GLDN: variants seen among roughly 807,000 people sequenced by gnomAD.
GLDN encodes collomin.
GLDN carries 47 observed loss-of-function variants against 56.5 expected under a neutral mutation model. That is an observed-to-expected ratio of 0.83 (90% CI 0.66 to 1.06). The LOEUF (loss-of-function observed/expected upper bound fraction) is 1.06. Ranked by LOEUF, GLDN falls within the 50% of genes least tolerant of loss-of-function variation. The probability of loss-of-function intolerance (pLI) is 0.00; values close to 1 mark genes in which losing one functional copy is unlikely to be tolerated. For missense variants in GLDN, 782 were observed against 714.3 expected (o/e 1.09, Z -1.08); for synonymous variants, 332 against 278.8 (o/e 1.19, Z -1.90).
chr15:51,412,713 T>G (rs1239146408), downstream of GLDN, among the ~76,000 whole-genome samples: 2 of 152,202 alleles, frequency 1.3e-5, no homozygotes, highest in African/African-American at 2.4e-5. Flanking sequence ...CCTAACAACT[T>G]CTGCCTTTTA....
chr15:51,342,048 G>A lies in GLDN; in HGVS notation c.363+1G>A, dbSNP rs556661550. On this transcript the variant is annotated splice_donor_variant, in intron 1 of 9. Coordinates refer to ENST00000335449, the MANE Select transcript of GLDN (RefSeq NM_181789.4). LOFTEE classifies it high-confidence loss of function. ...GATGATGACCTACTCCATGGTGCCG[G>A]TAGGCGGGGTCTCTGTTCCCCGTGG... The A allele has an allele frequency of 6.3e-7, 1 of 1,592,194 alleles. No homozygotes were observed. Among genetic ancestry groups the A allele is most frequent in the East Asian group, 2.3e-5 (1 of 44,144 alleles).
chr15:51,384,162 C>T (rs575933032), intron 4 of GLDN: 53 of 444,540 alleles, frequency 1.2e-4, no homozygotes, highest in South Asian at 1.1e-3. Flanking sequence ...GTGGAAGGAG[C>T]AGGAGCCCAC....
intron 1 of GLDN, among the ~76,000 whole-genome samples, chr15:51,355,803 G>T (rs191203464): frequency 6.0e-5 from 9 of 150,620 alleles, no homozygotes; most frequent in East Asian, 2.0e-4. Context: ...GATTACAGGC[G>T]TGAGCCACCA....
intron 1 of GLDN, among the ~76,000 whole-genome samples, chr15:51,365,291 ATTTTT>A (rs1251063776): frequency 6.6e-6 from 1 of 151,886 alleles, no homozygotes; most frequent in African/African-American, 2.4e-5. Flanking sequence ...AATTTTCTTT[ATTTTT>A]AATTGGAGCT....
At position 51,406,837 on chromosome 15, in the gene GLDN, T is replaced by G. The variant is rs1426908903; in HGVS notation, c.*2083T>G. ...GCTTTTAAAAATACTCTTTTCAGAT[T>G]CACGTTCTCTAACAAAGAGTCTCAT... On this transcript the variant is annotated 3_prime_UTR_variant, in exon 10 of 10. Coordinates refer to ENST00000335449, the MANE Select transcript of GLDN (RefSeq NM_181789.4). 6.6e-6 allele frequency: 1 copy of G among 152,224 alleles called. No homozygotes were observed. The highest frequency in any genetic ancestry group is 1.5e-5 in the Non-Finnish European group (1 of 68,040). The allele number at this position is 152,224 out of a possible 1,614,324, so 9.4% of individuals were successfully genotyped here. A position where few individuals can be genotyped will look rare whatever the true frequency, so the allele number is the denominator to read the frequency against.
chr15:51,372,126 C>T (rs1289403039), intron 1 of GLDN, among the ~76,000 whole-genome samples: 1 of 152,188 alleles, frequency 6.6e-6, no homozygotes, highest in Non-Finnish European at 1.5e-5. Flanking sequence ...TTGAAGTGTG[C>T]TCACTCAGGA....
At chr15:51,358,153 C>T (rs2037222663) in intron 1 of GLDN, among the ~76,000 whole-genome samples, 3 of 152,124 alleles carry the variant, frequency 2.0e-5, no homozygotes, top group Admixed American at 1.3e-4. Flanking sequence ...GACTTATGGG[C>T]CGAAAACAAT....
At chr15:51,354,182 C>T (rs2141054532) in intron 1 of GLDN, among the ~76,000 whole-genome samples, 1 of 152,298 alleles carries the variant, frequency 6.6e-6, no homozygotes, top group East Asian at 1.9e-4. Context: ...CTGTGCTTGC[C>T]AAAGTGCTGG....
chr15:51,404,687 A>G lies in GLDN; in HGVS notation c.1589A>G (p.Tyr530Cys), dbSNP rs1420193709. 1 of 1,613,130 alleles carries G rather than the reference A, an allele frequency of 6.2e-7. No individual in the cohort carries two copies. The highest frequency in any genetic ancestry group is 1.3e-5 in the African/African-American group (1 of 75,026). ...LAYNMRDQHL[Y>C]SWEDGHLMLY... is the part of the protein sequence containing the mutation. ...TACAACATGAGAGATCAGCATTTAT[A>G]TTCATGGGAAGATGGCCATTTAATG... The change falls in exon 10 of 10, where the codon TAT becomes TGT. Residue 530 changes from tyrosine (Y) to cysteine (C), a missense_variant. By Grantham distance (194) the Tyr-to-Cys change is radical. Coordinates refer to ENST00000335449, the MANE Select transcript of GLDN (RefSeq NM_181789.4).
intron 4 of GLDN, among the ~76,000 whole-genome samples, chr15:51,388,770 T>G (rs2037953983): frequency 6.6e-6 from 1 of 152,226 alleles, no homozygotes; most frequent in South Asian, 2.1e-4. Context: ...TGGGCCCTGT[T>G]GTGAGAGCAG....
chr15:51,363,192 T>C (rs1051322616), intron 1 of GLDN, among the ~76,000 whole-genome samples: 6 of 152,078 alleles, frequency 3.9e-5, no homozygotes, highest in African/African-American at 1.4e-4. Flanking sequence ...GGAGGCATAG[T>C]CAGGAAATCA....
chr15:51,359,733 T>C (rs1203703532), intron 1 of GLDN, among the ~76,000 whole-genome samples: 2 of 151,984 alleles, frequency 1.3e-5, no homozygotes, highest in Non-Finnish European at 2.9e-5. Context: ...TCCCAGCACT[T>C]TGGGAGGCCG....
At chr15:51,352,431 A>G (rs1026473257) in intron 1 of GLDN, among the ~76,000 whole-genome samples, 9 of 152,016 alleles carry the variant, frequency 5.9e-5, no homozygotes, top group African/African-American at 2.2e-4. Context: ...AGACCATGGC[A>G]CTCAATATTG....
rs766366490 is a variant in GLDN, at chr15:51,404,421, T to G, written c.1323T>G (p.Ser441Arg). 11 of 1,614,078 alleles carry G rather than the reference T, an allele frequency of 6.8e-6. No homozygotes were observed. The highest frequency in any genetic ancestry group is 1.3e-5 in the African/African-American group (1 of 74,918). The change falls in exon 10 of 10, where the codon AGT becomes AGG. Residue 441 changes from serine to arginine, a missense_variant. Ser to Arg is a moderately radical substitution (Grantham distance 110). Transcript: ENST00000335449. ...EKGLWIIYASSVDGSSILVAQ... is the reference protein window; with the variant it reads ...EKGLWIIYASRVDGSSILVAQ... ...GCCTTTGGATTATCTATGCGTCAAG[T>G]GTGGACGGCTCGAGCATTCTTGTAG...
intron 1 of GLDN, among the ~76,000 whole-genome samples, chr15:51,370,515 C>A (rs2037493867): frequency 6.6e-6 from 1 of 152,106 alleles, no homozygotes; most frequent in African/African-American, 2.4e-5. Context: ...TGCCTAGAAA[C>A]AACAGAGATC....
chr15:51,362,193 A>G (rs556352659), intron 1 of GLDN, among the ~76,000 whole-genome samples: 1 of 152,282 alleles, frequency 6.6e-6, no homozygotes, highest in African/African-American at 2.4e-5. Flanking sequence ...GTAATAACAA[A>G]GGAGGTCAGG....
chr15:51,367,268 T>C (rs2037424051), intron 1 of GLDN: 1 of 152,226 alleles, frequency 6.6e-6, no homozygotes, highest in Non-Finnish European at 1.5e-5. Context: ...TGCTAATCAT[T>C]GTCACATGGA....
At chr15:51,386,862 G>A (rs1393627831) in intron 4 of GLDN, among the ~76,000 whole-genome samples, 1 of 152,148 alleles carries the variant, frequency 6.6e-6, no homozygotes, top group Non-Finnish European at 1.5e-5. Context: ...GCTCCTGCCT[G>A]AGGTGGGGAG....
chr15:51,387,470 G>A (rs1254878766), intron 4 of GLDN, among the ~76,000 whole-genome samples: 2 of 152,238 alleles, frequency 1.3e-5, no homozygotes, highest in South Asian at 4.1e-4. Context: ...AGGGCCTGGC[G>A]CACACAGAGG....
Sources: gnomAD v4.1 joint callset for allele counts (sites outside exome capture counted in the v4.1 genomes callset) on GRCh38, gnomAD v4.1.1 for gene constraint, MANE v1.5 for transcripts, NCBI Gene and HGNC (gene_info 2026-07-23, HGNC 2026-07-21) for gene names.